TFEB: variants seen among roughly 807,000 people sequenced by gnomAD.
The protein encoded by TFEB is T-cell transcription factor EB.
A neutral mutation model predicts 48.0 loss-of-function variants in TFEB; 12 were observed. The observed-to-expected ratio is 0.25, with a 90% CI of 0.16 to 0.40. TFEB has a LOEUF of 0.40. Among genes scored for constraint, TFEB ranks in the 10% least tolerant of loss-of-function variants. The probability of loss-of-function intolerance (pLI) is 1.00; values close to 1 mark genes in which losing one functional copy is unlikely to be tolerated. For synonymous variants in TFEB, 244 were observed against 261.4 expected (o/e 0.93, Z 0.64); for missense variants, 509 against 640.3 (o/e 0.79, Z 2.21).
At chr6:41,717,973 G>A (rs574028177) in intron 1 of TFEB, among the ~76,000 whole-genome samples, 8 of 152,272 alleles carry the variant, frequency 5.3e-5, no homozygotes, top group African/African-American at 1.9e-4. Context: ...TATTGGAGAT[G>A]TACAACAAAA....
At chr6:41,703,741 C>T (rs1336885473) in intron 1 of TFEB, among the ~76,000 whole-genome samples, 1 of 152,224 alleles carries the variant, frequency 6.6e-6, no homozygotes, top group Non-Finnish European at 1.5e-5. Context: ...GGCATTAGTA[C>T]TATGCACACT....
chr6:41,711,863 G>T (rs1217446358), intron 1 of TFEB, among the ~76,000 whole-genome samples: 1 of 152,224 alleles, frequency 6.6e-6, no homozygotes, highest in Non-Finnish European at 1.5e-5. Flanking sequence ...GAGCTGGGCT[G>T]CCCCCTTGGC....
intron 1 of TFEB, chr6:41,732,975 G>C (rs1470446011): frequency 4.1e-6 from 4 of 985,388 alleles, no homozygotes; most frequent in Non-Finnish European, 3.6e-6. Context: ...CAGAAACCGA[G>C]TTGACTTTGA....
intron 1 of TFEB, chr6:41,732,711 A>C (rs1407377612): frequency 1.0e-6 from 1 of 985,440 alleles, no homozygotes; most frequent in Non-Finnish European, 1.2e-6. Flanking sequence ...GTGTGTTTTC[A>C]TCTCCCTCCT....
intron 7 of TFEB, chr6:41,686,508 CTTTTTTTTTTT>C (rs34883692): frequency 6.7e-6 from 1 of 149,750 alleles, no homozygotes. Context: ...GCCTACCTTT[CTTTTTTTTTTT>C]TTTTTTTTTG....
At chr6:41,687,483 C>T (rs1276598198) in intron 6 of TFEB, among the ~76,000 whole-genome samples, 3 of 152,218 alleles carry the variant, frequency 2.0e-5, no homozygotes, top group Non-Finnish European at 4.4e-5. Flanking sequence ...CATGCCTTAA[C>T]CCAGAAAACA....
chr6:41,697,511 C>G (rs182633208), intron 1 of TFEB, among the ~76,000 whole-genome samples: 5 of 151,224 alleles, frequency 3.3e-5, no homozygotes, highest in East Asian at 3.9e-4. Context: ...AAACCCCCCC[C>G]CTTCCCCAAG....
intron 1 of TFEB, among the ~76,000 whole-genome samples, chr6:41,711,990 G>C (rs1032189852): frequency 1.3e-5 from 2 of 152,184 alleles, no homozygotes; most frequent in African/African-American, 4.8e-5. Flanking sequence ...GGTTGGTGAA[G>C]GGGGCTTCGC....
chr6:41,686,996 C>T, intron 7 of TFEB, 98 bp downstream of exon 7: 1 of 994,018 alleles, frequency 1.0e-6, no homozygotes, highest in Non-Finnish European at 1.6e-6. Context: ...AGGAATTCTC[C>T]TCCCATCCTA....
At chr6:41,736,205 C>T (rs1323352980), upstream of TFEB, 6 of 1,612,710 alleles carry the variant, frequency 3.7e-6, 1 homozygote, top group African/African-American at 2.7e-5. Flanking sequence ...TTCATGTCAC[C>T]TTCCCTTGTT....
chr6:41,722,634 G>T (rs11962462), intron 1 of TFEB, among the ~76,000 whole-genome samples: 6,617 of 152,318 alleles, frequency 0.043, 472 homozygotes, highest in African/African-American at 0.15. Context: ...GTGACTGAGG[G>T]TGAAGGGGCT....
At position 41,691,862 on chromosome 6, in the gene TFEB, C is replaced by A. The variant is rs1293000345; in HGVS notation, c.-22-627G>T. Among the ~76,000 whole-genome samples the A allele has an allele frequency of 2.0e-5, 3 of 152,142 alleles. No homozygotes were observed. Among genetic ancestry groups the A allele is most frequent in the Non-Finnish European group, 4.4e-5 (3 of 68,016 alleles). ...CGTGTTCCCCTTTGACCCCATCCGC[C>A]AGCTCTCCCTCTTGTTTTATCTGCT... On this transcript the variant is annotated intron_variant, in intron 1 of 8. Coordinates refer to ENST00000373033, the MANE Select transcript of TFEB (RefSeq NM_001271944.2). This position sits in a 1 kb window ranked among gnomAD's most constrained non-coding sequence, Gnocchi z 5.2.
At chr6:41,731,975 C>G (rs1392390067) in intron 1 of TFEB, among the ~76,000 whole-genome samples, 4 of 152,186 alleles carry the variant, frequency 2.6e-5, no homozygotes, top group African/African-American at 9.7e-5. Context: ...AGAAGAAAGG[C>G]CAGGAAACAG....
chr6:41,732,921 CT>C, intron 1 of TFEB: 2 of 985,574 alleles, frequency 2.0e-6, no homozygotes, highest in Non-Finnish European at 2.4e-6. Context: ...AAGGCCCAAC[CT>C]GGTTTTCATG....
intron 1 of TFEB, among the ~76,000 whole-genome samples, chr6:41,694,207 C>T (rs1426375846): frequency 4.6e-5 from 7 of 152,222 alleles, no homozygotes; most frequent in Admixed American, 2.0e-4. Flanking sequence ...CTGCCTCTCA[C>T]TGGCTGGGCC....
chr6:41,710,588 T>C (rs1399632342), intron 1 of TFEB, among the ~76,000 whole-genome samples: 2 of 152,090 alleles, frequency 1.3e-5, no homozygotes, highest in Non-Finnish European at 2.9e-5. Context: ...ATGAAACAGA[T>C]GGAGCAACAT....
At chr6:41,697,408 CAAAAAAA>C (rs56059829) in intron 1 of TFEB, among the ~76,000 whole-genome samples, 25,941 of 63,816 alleles carry the variant, frequency 0.41, 3,998 homozygotes, top group Middle Eastern at 0.5. Flanking sequence ...AACTCCATCT[CAAAAAAA>C]AAAAAAAAAA....
chr6:41,689,447 G>A lies in TFEB; in HGVS notation c.549+284C>T, dbSNP rs939654774. 7.2e-5 allele frequency among the ~76,000 whole-genome samples: 11 copies of A among 151,978 alleles called. 1 individual carries two copies. Among genetic ancestry groups the A allele is most frequent in the Admixed American group, 2.0e-4 (3 of 15,268 alleles). The stretch of plus-strand genomic sequence containing the variant: ...TCTCCCTGCCTCCCTCTGCCCCTTC[G>A]CCAACCTGGAAAGCTCCCCCCACAG... On this transcript the variant is annotated intron_variant, in intron 4 of 8. Coordinates refer to ENST00000373033, the MANE Select transcript of TFEB (RefSeq NM_001271944.2).
chr6:41,712,425 C>T (rs1006483535), intron 1 of TFEB, among the ~76,000 whole-genome samples: 2 of 152,214 alleles, frequency 1.3e-5, no homozygotes, highest in Admixed American at 1.3e-4. Flanking sequence ...CAGCTCTGGG[C>T]TCCAACCCCG....
Sources: allele counts gnomAD v4.1 joint callset (sites outside exome capture counted in the v4.1 genomes callset), GRCh38; gene constraint gnomAD v4.1.1; non-coding constraint Gnocchi (gnomAD v3.1); transcripts MANE v1.5; gene names NCBI Gene and HGNC (gene_info 2026-07-23, HGNC 2026-07-21).